Variants in SLIT3 observed in about 807,000 individuals in gnomAD.
The protein encoded by SLIT3 is slit guidance ligand 3, also known as slit homolog 3 protein.
A neutral mutation model predicts 184.0 loss-of-function variants in SLIT3; 68 were observed. The observed-to-expected ratio is 0.37, with a 90% confidence interval of 0.30 to 0.45. The LOEUF (loss-of-function observed/expected upper bound fraction) is 0.45, where lower values mean the gene tolerates loss of function less well. Among genes scored for constraint, SLIT3 ranks in the 20% least tolerant of loss-of-function variants. The probability of loss-of-function intolerance (pLI) is 1.00; values close to 1 mark genes in which losing one functional copy is unlikely to be tolerated. For missense variants in SLIT3, 1,707 were observed against 2,026.0 expected, an observed-to-expected ratio of 0.84 and a Z score of 3.02; for synonymous variants, 831 against 828.6, an observed-to-expected ratio of 1.00 and a Z score of -0.05.
At chr5:168,830,128 CT>C (rs1046014460) in intron 6 of SLIT3, among the ~76,000 whole-genome samples, 54 of 152,252 alleles carry the variant, frequency 3.5e-4, no homozygotes, top group African/African-American at 1.3e-3. Context: ...TGACTCAGCT[CT>C]ATTAGAATCT....
At chr5:168,965,608 G>A (rs570859277) in intron 4 of SLIT3, among the ~76,000 whole-genome samples, 36 of 152,308 alleles carry the variant, frequency 2.4e-4, no homozygotes, top group African/African-American at 8.4e-4. Flanking sequence ...CATCCAAAAT[G>A]AACTTCATGC....
rs532243044 is a variant in SLIT3 at position 168,928,452 on chromosome 5, C to T, written c.414-45116G>A. On this transcript the variant is annotated intron_variant, in intron 4 of 35. Transcript: ENST00000519560. Reference sequence around the variant, plus strand: ...TGAGAGTTCACACTCCTCGGGTGTCCCTTGAGGATCTCTGGCAAGGACCAG... The same window carrying T: ...TGAGAGTTCACACTCCTCGGGTGTCTCTTGAGGATCTCTGGCAAGGACCAG... 5.3e-5 allele frequency among the ~76,000 whole-genome samples: 8 copies of T among 152,118 alleles called. No homozygotes were observed. In the East Asian group the frequency reaches 1.4e-3, roughly 26 times the overall value.
At chr5:169,087,140 C>G (rs1022094723) in intron 4 of SLIT3, among the ~76,000 whole-genome samples, 5 of 152,062 alleles carry the variant, frequency 3.3e-5, no homozygotes, top group Non-Finnish European at 7.3e-5. Context: ...CAAAGCAAAG[C>G]AAAACAAAAC....
At chr5:168,925,959 CTGTT>C (rs1395060491) in intron 4 of SLIT3, among the ~76,000 whole-genome samples, 1 of 152,188 alleles carries the variant, frequency 6.6e-6, no homozygotes, top group Non-Finnish European at 1.5e-5. Context: ...GGAATCTCCA[CTGTT>C]TGTTTCAGCA....
intron 4 of SLIT3, among the ~76,000 whole-genome samples, chr5:169,000,392 CAAAAAAAAA>C (rs34002967): frequency 2.4e-5 from 1 of 42,316 alleles, no homozygotes; most frequent in South Asian, 1.3e-3. Flanking sequence ...AACTCCATCT[CAAAAAAAAA>C]AAAAAAAAAA....
intron 4 of SLIT3, among the ~76,000 whole-genome samples, chr5:168,947,003 T>C (rs2113225619): frequency 6.6e-6 from 1 of 152,288 alleles, no homozygotes; most frequent in Non-Finnish European, 1.5e-5. Flanking sequence ...GTATTGTTAT[T>C]ATTACTATTA....
intron 1 of SLIT3, chr5:169,263,513 G>A: frequency 2.4e-6 from 1 of 408,414 alleles, no homozygotes; most frequent in Non-Finnish European, 4.8e-6. Context: ...GAAGGAGCCT[G>A]GCCCTGATGA....
At chr5:169,218,689 G>A (rs1764523946) in intron 3 of SLIT3, among the ~76,000 whole-genome samples, 1 of 152,180 alleles carries the variant, frequency 6.6e-6, no homozygotes, top group Non-Finnish European at 1.5e-5. Context: ...TAACTCACTG[G>A]GTAGTTCTGA....
chr5:168,947,447 C>A (rs1265923537), intron 4 of SLIT3, among the ~76,000 whole-genome samples: 1 of 152,058 alleles, frequency 6.6e-6, no homozygotes, highest in Non-Finnish European at 1.5e-5. Context: ...TCTCTTTGGC[C>A]AGGAGGTGGC....
Position 169,124,897 on chromosome 5 carries a change from C to G in SLIT3, c.413+68582G>C, listed in dbSNP as rs183641213. 1.2e-3 allele frequency among the ~76,000 whole-genome samples: 180 copies of G among 152,304 alleles called. 1 individual carries two copies. Among genetic ancestry groups the G allele is most frequent in the Non-Finnish European group, 9.7e-4 (66 of 68,028 alleles). ...CATATGAGCTAACATATATTTCAAG[C>G]ATCCCCTTGTAACAGAAATGTAGCA... is the stretch of plus-strand genomic sequence containing the variant. On this transcript the variant is annotated intron_variant, in intron 4 of 35. Transcript: ENST00000519560.
rs1754634915 is a variant in SLIT3, at chr5:168,749,751, C to T, written c.1974-116G>A. 1.5e-5 allele frequency: 16 copies of T among 1,043,874 alleles called. 1 individual carries two copies. Among genetic ancestry groups the T allele is most frequent in the South Asian group, 1.3e-4 (9 of 67,056 alleles). The allele number at this position is 1,043,874 out of a possible 1,614,324, so 64.7% of individuals were successfully genotyped here. On this transcript the variant is annotated intron_variant, in intron 18 of 35. Coordinates refer to ENST00000519560, the MANE Select transcript of SLIT3 (RefSeq NM_003062.4). ...GAAGGAGGAGGTCTCAGGAAGGAAACGTAGGCTCTTCCCCAGATGCAGTCT... is the reference window on the plus strand; with the variant it reads ...GAAGGAGGAGGTCTCAGGAAGGAAATGTAGGCTCTTCCCCAGATGCAGTCT...
At chr5:168,795,617 C>A in intron 9 of SLIT3, 39 bp from the exon 10 acceptor site, 2 of 1,545,568 alleles carry the variant, frequency 1.3e-6, no homozygotes, top group Non-Finnish European at 1.8e-6. Context: ...TAACCATCCA[C>A]CTGTCAACAA....
In SLIT3 at chr5:168,857,089, C is replaced by T. The variant is rs550268672; in HGVS notation, c.486-12434G>A. 3.9e-4 allele frequency among the ~76,000 whole-genome samples: 60 copies of T among 152,094 alleles called. No homozygotes were observed. In the East Asian group the frequency reaches 9.3e-3, roughly 24 times the overall value. ...TCAGTCTCACCGAGCTAAGTAAATC[C>T]GAAAACATCTGGGGGGCCCACAGAG... On this transcript the variant is annotated intron_variant, in intron 5 of 35. Coordinates refer to ENST00000519560, the MANE Select transcript of SLIT3 (RefSeq NM_003062.4).
intron 4 of SLIT3, among the ~76,000 whole-genome samples, chr5:169,047,936 G>A (rs1757683481): frequency 6.6e-6 from 1 of 151,646 alleles, no homozygotes; most frequent in Non-Finnish European, 1.5e-5. Flanking sequence ...CAGCAACTTA[G>A]CATGGTGCCA....
chr5:169,141,833 C>T (rs1202643977), intron 4 of SLIT3, among the ~76,000 whole-genome samples: 3 of 151,462 alleles, frequency 2.0e-5, no homozygotes, highest in Admixed American at 6.6e-5. Flanking sequence ...AGATGGATCA[C>T]AAGGTCAGGA....
At chr5:168,746,652 GTGTGGTGTGTGAGTGTGGTGGTA>G (rs1427712627) in intron 20 of SLIT3, among the ~76,000 whole-genome samples, 4 of 111,674 alleles carry the variant, frequency 3.6e-5, no homozygotes, top group Non-Finnish European at 5.8e-5. Context: ...TGGTGTGGGT[GTGTGGTGTGTGAGTGTGGTGGTA>G]TGGTGGTGTG....
chr5:169,048,521 C>T (rs1165952685), intron 4 of SLIT3, among the ~76,000 whole-genome samples: 1 of 152,168 alleles, frequency 6.6e-6, no homozygotes, highest in African/African-American at 2.4e-5. Context: ...TTTCCTTAAA[C>T]CAGCCACAAC....
chr5:169,179,771 T>C (rs545192034), intron 4 of SLIT3, among the ~76,000 whole-genome samples: 1 of 152,282 alleles, frequency 6.6e-6, no homozygotes, highest in East Asian at 1.9e-4. Flanking sequence ...AGCTCTGGTT[T>C]GGAACAAAAG....
intron 4 of SLIT3, among the ~76,000 whole-genome samples, chr5:169,037,131 C>T (rs1208785667): frequency 1.9e-5 from 2 of 106,532 alleles, no homozygotes; most frequent in African/African-American, 6.8e-5. Context: ...TAGTCTCATT[C>T]GTGCCTCTAA....
Sources: gnomAD v4.1 joint callset for allele counts (sites outside exome capture counted in the v4.1 genomes callset) on GRCh38, gnomAD v4.1.1 for gene constraint, MANE v1.5 for transcripts, NCBI Gene and HGNC (gene_info 2026-07-23, HGNC 2026-07-21) for gene names.